The following LRRCC1 variants were observed in gnomAD, a reference collection of about 807,000 sequenced individuals.
LRRCC1 encodes leucine rich repeat and coiled-coil centrosomal protein 1.
Under a neutral mutation model 126.0 loss-of-function variants are expected in LRRCC1, and 115 were observed. The observed-to-expected ratio is 0.91, with a 90% confidence interval of 0.78 to 1.07. The LOEUF is 1.07. Among genes scored for constraint, LRRCC1 ranks in the 50% least tolerant of loss-of-function variants. The pLI is 0.00. For synonymous variants in LRRCC1, 400 were observed against 393.4 expected (o/e 1.02, Z -0.20); for missense variants, 1,172 against 1,175.7 (o/e 1.00, Z 0.05).
At position 85,110,101 on chromosome 8, in the gene LRRCC1, CTTTTTT is replaced by C; in HGVS notation, c.311-8_311-3del. 1 of 853,460 alleles carries C rather than the reference CTTTTTT, an allele frequency of 1.2e-6. No individual in the cohort carries two copies. The highest frequency in any genetic ancestry group is 1.7e-6 in the Non-Finnish European group (1 of 582,850). 52.9% of individuals were successfully genotyped at this position (853,460 alleles called of 1,614,324 possible). ...TTTATAAAGGCTTTATTTTATTTTA[CTTTTTT>C]TTTTTAGGACTTGAAGAACTAATTA... On this transcript the variant is annotated splice_polypyrimidine_tract_variant and splice_region_variant and intron_variant, in intron 2 of 18. Coordinates refer to ENST00000360375, the MANE Select transcript of LRRCC1 (RefSeq NM_033402.5).
intron 4 of LRRCC1, among the ~76,000 whole-genome samples, chr8:85,114,889 G>A (rs1238734955): frequency 6.6e-6 from 1 of 152,100 alleles, no homozygotes; most frequent in African/African-American, 2.4e-5. Flanking sequence ...ATTTGAGAGG[G>A]ATGGAGAGTG....
rs1810043638 is a variant in LRRCC1, at chr8:85,126,810, A to T, written c.1394A>T (p.His465Leu). The T allele has an allele frequency of 1.2e-6, 2 of 1,612,146 alleles. No individual in the cohort carries two copies. The highest frequency in any genetic ancestry group is 1.1e-5 in the South Asian group (1 of 91,012). ...CATGCAAATGAAAAAGAGGATATTC[A>T]TAGTCTGGCTCTACTTACCACAGAT... is the stretch of plus-strand genomic sequence containing the variant. ...HKHANEKEDI[H>L]SLALLTTDRL... Residue 465 changes from histidine (H) to leucine (L), a missense_variant, in exon 9 of 19, where the codon CAT becomes CTT. Transcript: ENST00000360375.
rs1352829456 is a variant in LRRCC1, at chr8:85,115,728, A to G, written c.930+144A>G. The G allele has an allele frequency of 4.8e-6, 3 of 618,672 alleles. No homozygotes were observed. In the Admixed American group the frequency reaches 8.8e-5, roughly 18 times the overall value. 38.3% of individuals were successfully genotyped at this position (618,672 alleles called of 1,614,324 possible). ...TATTTTTGTTTTCCTCTACAGAAAT[A>G]GGGTTCTATTATTGCATAATGGTAG... is the stretch of plus-strand genomic sequence containing the variant. On this transcript the variant is annotated intron_variant, in intron 6 of 18. Transcript: ENST00000360375.
intron 17 of LRRCC1, 42 bp from the exon 18 acceptor site, chr8:85,141,340 C>G (rs778602296): frequency 3.6e-5 from 55 of 1,525,828 alleles, no homozygotes; most frequent in Non-Finnish European, 4.9e-5. Context: ...ACATTCACAC[C>G]ACATATACAC....
chr8:85,141,718 C>G (rs1477427686), intron 18 of LRRCC1, among the ~76,000 whole-genome samples: 1 of 152,180 alleles, frequency 6.6e-6, no homozygotes, highest in East Asian at 1.9e-4. Context: ...ATTCTAATTT[C>G]TAAGCAAAAC....
chr8:85,144,442 GTGTATATATATATATA>G (rs1811496883), intron 18 of LRRCC1, among the ~76,000 whole-genome samples: 1 of 106,768 alleles, frequency 9.4e-6, no homozygotes, highest in East Asian at 2.7e-4. Context: ...GTGTGTGTGT[GTGTATATATATATATA>G]TATATATATA....
chr8:85,126,357 G>C (rs1171802292), intron 8 of LRRCC1, among the ~76,000 whole-genome samples: 3 of 152,028 alleles, frequency 2.0e-5, no homozygotes, highest in Non-Finnish European at 4.4e-5. Context: ...AGGAGTTCGA[G>C]ACCAGCCTGG....
In LRRCC1 at chr8:85,109,383, G is replaced by A. The variant is rs183323593; in HGVS notation, c.105-212G>A. 50 of 531,574 alleles carry A rather than the reference G, an allele frequency of 9.4e-5. No homozygotes were observed. The Admixed American group carries it at 1.3e-3, about 14-fold the overall frequency. 32.9% of individuals were successfully genotyped at this position (531,574 alleles called of 1,614,324 possible). On this transcript the variant is annotated intron_variant, in intron 1 of 18. Coordinates refer to ENST00000360375, the MANE Select transcript of LRRCC1 (RefSeq NM_033402.5). Reference sequence around the variant, plus strand: ...CCACTGTCACTTGCCTGCCTTGAGCGGTTTCTTGTTTGTATAAATAATCCA... The same window carrying A: ...CCACTGTCACTTGCCTGCCTTGAGCAGTTTCTTGTTTGTATAAATAATCCA...
intron 7 of LRRCC1, among the ~76,000 whole-genome samples, chr8:85,124,017 C>G (rs79946100): frequency 3.4e-3 from 520 of 152,162 alleles, no homozygotes; most frequent in African/African-American, 0.012. Flanking sequence ...CATGACTAGC[C>G]TTTTCTCTCT....
Position 85,109,684 on chromosome 8 carries a change from G to A in LRRCC1, c.194G>A (p.Trp65Ter). 1 of 1,608,774 alleles carries A rather than the reference G, an allele frequency of 6.2e-7. No homozygotes were observed. The highest frequency in any genetic ancestry group is 8.5e-7 in the Non-Finnish European group (1 of 1,175,626). ...AAGATCGAAGCCATTGATCATATTTGGAATTTACAACATCTAGATCTGTCA... is the reference window on the plus strand; with the variant it reads ...AAGATCGAAGCCATTGATCATATTTAGAATTTACAACATCTAGATCTGTCA... ...ISKIEAIDHI[W>*]NLQHLDLSSN... Residue 65 changes from tryptophan (W) to a stop codon, truncating the protein, a stop_gained, in exon 2 of 19, where the codon TGG becomes TAG. Coordinates refer to ENST00000360375, the MANE Select transcript of LRRCC1 (RefSeq NM_033402.5). LOFTEE classifies it high-confidence loss of function.
chr8:85,107,881 T>G (rs1376183722), intron 1 of LRRCC1, among the ~76,000 whole-genome samples: 2 of 152,244 alleles, frequency 1.3e-5, no homozygotes, highest in East Asian at 1.9e-4. Context: ...TTGTCTGCAT[T>G]CGAAATCATT....
At chr8:85,136,346 C>T (rs371722320) in intron 14 of LRRCC1, among the ~76,000 whole-genome samples, 8 of 152,066 alleles carry the variant, frequency 5.3e-5, no homozygotes, top group East Asian at 1.9e-4. Flanking sequence ...GCAGTCTCGG[C>T]TTACTGCAAC....
rs1810042865 is a variant in LRRCC1 at position 85,126,804 on chromosome 8, A to G, written c.1388A>G (p.Asp463Gly). 2 of 1,612,454 alleles carry G rather than the reference A, an allele frequency of 1.2e-6. No individual in the cohort carries two copies. Among genetic ancestry groups the G allele is most frequent in the African/African-American group, 2.7e-5 (2 of 75,032 alleles). The change falls in exon 9 of 19, where the codon GAT becomes GGT. Residue 463 changes from aspartate to glycine, a missense_variant. Physicochemically the swap from Asp to Gly is moderately conservative, Grantham distance 94. Transcript: ENST00000360375. ...ELHKHANEKE[D>G]IHSLALLTTD... ...CATAAACATGCAAATGAAAAAGAGG[A>G]TATTCATAGTCTGGCTCTACTTACC...
chr8:85,138,357 C>T lies in LRRCC1; in HGVS notation c.2722C>T (p.His908Tyr). ...KAYSTLNRKW[H>Y]DKGELLCHLE... Reference sequence around the variant, plus strand: ...TATTAGTACACTGAATCGGAAGTGGCATGATAAAGGAGAACTTCTATGTCA... The same window carrying T: ...TATTAGTACACTGAATCGGAAGTGGTATGATAAAGGAGAACTTCTATGTCA... Residue 908 changes from histidine to tyrosine, a missense_variant, in exon 17 of 19, where the codon CAT (histidine) becomes TAT (tyrosine). His to Tyr is a moderately conservative substitution (Grantham distance 83, BLOSUM62 2). Transcript: ENST00000360375. 1 of 1,605,836 alleles carries T rather than the reference C, an allele frequency of 6.2e-7. No individual in the cohort carries two copies. The highest frequency in any genetic ancestry group is 1.1e-5 in the South Asian group (1 of 88,908).
intron 12 of LRRCC1, among the ~76,000 whole-genome samples, chr8:85,132,839 A>G (rs1214911534): frequency 6.6e-6 from 1 of 152,238 alleles, no homozygotes; most frequent in Non-Finnish European, 1.5e-5. Flanking sequence ...AACGTATAGT[A>G]GATCCCATTT....
At chr8:85,115,721 C>T (rs969617320) in intron 6 of LRRCC1, 137 bp downstream of exon 6, 5 of 628,658 alleles carry the variant, frequency 8.0e-6, no homozygotes, top group Admixed American at 5.8e-5. Context: ...TTTTCCTCTA[C>T]AGAAATAGGG....
chr8:85,109,290 A>C lies in LRRCC1; in HGVS notation c.105-305A>C, dbSNP rs114056688. ...GATATTAACATTCCAAAGCCTTTAC[A>C]GTTATTGACTACTATTCAGCACTGC... is the stretch of plus-strand genomic sequence containing the variant. On this transcript the variant is annotated intron_variant, in intron 1 of 18. Coordinates refer to ENST00000360375, the MANE Select transcript of LRRCC1 (RefSeq NM_033402.5). 6.2e-3 allele frequency: 1,883 copies of C among 302,658 alleles called. 37 individuals are homozygous for C. The highest frequency in any genetic ancestry group is 0.037 in the African/African-American group (1,738 of 46,942). The allele number at this position is 302,658 out of a possible 1,614,324, so 18.7% of individuals were successfully genotyped here.
chr8:85,121,446 TG>T (rs1809544190), intron 6 of LRRCC1, among the ~76,000 whole-genome samples: 1 of 152,174 alleles, frequency 6.6e-6, no homozygotes, highest in African/African-American at 2.4e-5. Flanking sequence ...TGTTTTGTTT[TG>T]TTTTGTTTTT....
chr8:85,129,814 C>G (rs1810309501), intron 10 of LRRCC1, 105 bp from the exon 11 acceptor site: 1 of 856,278 alleles, frequency 1.2e-6, no homozygotes, highest in Admixed American at 2.9e-5. Flanking sequence ...TGAAAATCAA[C>G]TTAGTCACCG....
Sources: gnomAD v4.1 joint callset for allele counts (sites outside exome capture counted in the v4.1 genomes callset) on GRCh38, gnomAD v4.1.1 for gene constraint, MANE v1.5 for transcripts, NCBI Gene and HGNC (gene_info 2026-07-23, HGNC 2026-07-21) for gene names.